Variants in MYCBP2 observed in about 807,000 individuals in gnomAD.
MYCBP2 encodes the protein MYC binding protein 2.
MYCBP2 carries 120 observed loss-of-function variants against 525.3 expected under a neutral mutation model. That is an observed-to-expected ratio of 0.23 (90% CI 0.20 to 0.27). The LOEUF (loss-of-function observed/expected upper bound fraction) is 0.27, where lower values mean the gene tolerates loss of function less well. Among genes scored for constraint, MYCBP2 ranks in the 10% least tolerant of loss-of-function variants. The pLI is 1.00. For missense variants in MYCBP2, 4,149 were observed against 5,657.1 expected, an observed-to-expected ratio of 0.73 and a Z score of 8.55; for synonymous variants, 1,894 against 1,955.8, an observed-to-expected ratio of 0.97 and a Z score of 0.83.
At chr13:77,146,379 A>C (rs2087301513) in intron 47 of MYCBP2, among the ~76,000 whole-genome samples, 162 bp from the exon 48 acceptor site, 1 of 151,898 alleles carries the variant, frequency 6.6e-6, no homozygotes, top group Non-Finnish European at 1.5e-5. Context: ...TTAAAGATAA[A>C]TTCTACAAGG....
In MYCBP2 at chr13:77,064,709, C is replaced by G. The variant is rs745636591; in HGVS notation, c.12578G>C (p.Arg4193Pro). The G allele has an allele frequency of 3.7e-6, 6 of 1,613,576 alleles. No homozygotes were observed. In the Admixed American group the frequency reaches 1.0e-4, roughly 27 times the overall value. Residue 4193 changes from arginine to proline, a missense_variant, in exon 73 of 83, where the codon CGA (arginine) becomes CCA (proline). Arg to Pro is a moderately radical substitution (Grantham distance 103, BLOSUM62 -2). Transcript: ENST00000544440. ...AAGHLSEAWSRVTKNAIAETI... is the reference protein window; with the variant it reads ...AAGHLSEAWSPVTKNAIAETI... ...TTCTGCAATAGCATTTTTTGTCACT[C>G]GGGACCAAGCTTCTGACAGATGACC...
At chr13:77,202,460 G>A (rs2062738202) in intron 26 of MYCBP2, among the ~76,000 whole-genome samples, 1 of 152,136 alleles carries the variant, frequency 6.6e-6, no homozygotes. Context: ...AATTCTACCA[G>A]AGATACAAGG....
At chr13:77,240,693 T>C (rs982267900) in intron 17 of MYCBP2, among the ~76,000 whole-genome samples, 1 of 152,146 alleles carries the variant, frequency 6.6e-6, no homozygotes, top group Non-Finnish European at 1.5e-5. Context: ...AACACAGAAA[T>C]ACGGGAACTC....
intron 19 of MYCBP2, among the ~76,000 whole-genome samples, chr13:77,224,978 T>G (rs556996958): frequency 1.3e-5 from 2 of 152,334 alleles, no homozygotes; most frequent in Non-Finnish European, 2.9e-5. Flanking sequence ...TTAACATTTT[T>G]GTTTTTATAA....
chr13:77,084,258 A>G (rs946904285), intron 62 of MYCBP2, among the ~76,000 whole-genome samples: 7 of 152,208 alleles, frequency 4.6e-5, no homozygotes, highest in African/African-American at 1.7e-4. Context: ...CCATTCTCTA[A>G]GAAGCTGCTA....
chr13:77,173,775 G>A (rs1301731345), intron 37 of MYCBP2, among the ~76,000 whole-genome samples: 1 of 152,106 alleles, frequency 6.6e-6, no homozygotes, highest in Non-Finnish European at 1.5e-5. Context: ...TTTAACCCAA[G>A]GGTTGTTATC....
chr13:77,165,223 C>A (rs766945486), intron 42 of MYCBP2, 50 bp downstream of exon 42: 1 of 1,488,056 alleles, frequency 6.7e-7, no homozygotes, highest in South Asian at 1.2e-5. Flanking sequence ...CTCACTAGCC[C>A]TTAGAAACAC....
At chr13:77,163,684 T>C (rs1329139671) in intron 43 of MYCBP2, among the ~76,000 whole-genome samples, 1 of 152,220 alleles carries the variant, frequency 6.6e-6, no homozygotes, top group Non-Finnish European at 1.5e-5. Flanking sequence ...TCTAAAGAGC[T>C]ACCTATATTC....
chr13:77,107,709 G>C (rs1023924553), intron 55 of MYCBP2, among the ~76,000 whole-genome samples: 1 of 152,086 alleles, frequency 6.6e-6, no homozygotes, highest in African/African-American at 2.4e-5. Context: ...CTGTACTCCA[G>C]TGTGGGCGAC....
At chr13:77,053,327 G>A (rs930467038) in intron 80 of MYCBP2, among the ~76,000 whole-genome samples, 1 of 152,184 alleles carries the variant, frequency 6.6e-6, no homozygotes, top group African/African-American at 2.4e-5. Flanking sequence ...GCCCTGGGCA[G>A]AGATTAAGTG....
At chr13:77,161,876 AG>A (rs767966584) in intron 44 of MYCBP2, 29 bp downstream of exon 44, 1 of 1,566,442 alleles carries the variant, frequency 6.4e-7, no homozygotes, top group East Asian at 2.2e-5. Context: ...TAATGTACAA[AG>A]TTTATCCTTA....
At chr13:77,191,548 T>C (rs2061298980) in intron 28 of MYCBP2, 131 bp downstream of exon 28, 2 of 1,074,700 alleles carry the variant, frequency 1.9e-6, no homozygotes, top group Non-Finnish European at 2.6e-6. Flanking sequence ...ATGAATTTAA[T>C]TTTTAGCAGT....
In MYCBP2 at chr13:77,126,532, G is replaced by C; in HGVS notation, c.7670C>G (p.Thr2557Ser). The C allele has an allele frequency of 6.2e-7, 1 of 1,611,116 alleles. No individual in the cohort carries two copies. The highest frequency in any genetic ancestry group is 8.5e-7 in the Non-Finnish European group (1 of 1,178,724). ...GTCTTTGAAAAAGTCATCAGTATTA[G>C]TTTTAGATTCCTGAAAATTTGAATA... ...SLLVPVDESK[T>S]NTDDFFKDIN... is the part of the protein sequence containing the mutation. Residue 2557 changes from threonine to serine, a missense_variant, in exon 53 of 83, where the codon ACT becomes AGT. By Grantham distance (58) the Thr-to-Ser change is moderately conservative. This residue lies in a region of MYCBP2 where 692 missense variants were observed against 852.7 expected (regional missense o/e 0.81). Coordinates refer to ENST00000544440, the MANE Select transcript of MYCBP2 (RefSeq NM_015057.5).
rs371897268 is a variant in MYCBP2, at chr13:77,272,878, C to T, written c.945+594G>A. Reference sequence around the variant, plus strand: ...AGACAGTCAGGTCTTAAGATCATAACTTCTTTCTCAATTTCCAGAGCCTTC... The same window carrying T: ...AGACAGTCAGGTCTTAAGATCATAATTTCTTTCTCAATTTCCAGAGCCTTC... On this transcript the variant is annotated intron_variant, in intron 5 of 82. Transcript: ENST00000544440. Among the ~76,000 whole-genome samples the T allele has an allele frequency of 3.3e-5, 5 of 152,352 alleles. No homozygotes were observed. The East Asian group carries it at 5.8e-4, about 18-fold the overall frequency.
intron 17 of MYCBP2, among the ~76,000 whole-genome samples, chr13:77,237,406 T>C (rs1386813983): frequency 1.3e-5 from 2 of 152,162 alleles, no homozygotes; most frequent in East Asian, 1.9e-4. Flanking sequence ...ACTATTAACA[T>C]TTACTTTGAG....
chr13:77,246,432 A>G (rs1042182057), intron 15 of MYCBP2, among the ~76,000 whole-genome samples: 1 of 151,920 alleles, frequency 6.6e-6, no homozygotes, highest in Non-Finnish European at 1.5e-5. Flanking sequence ...TTACCCCAAT[A>G]CCAATGTCAG....
intron 41 of MYCBP2, 22 bp from the exon 42 acceptor site, chr13:77,165,413 A>C (rs779751343): frequency 8.6e-5 from 131 of 1,515,816 alleles, no homozygotes; most frequent in Non-Finnish European, 1.1e-4. Flanking sequence ...GCCAGAATTG[A>C]GTTCAAACTC....
intron 2 of MYCBP2, among the ~76,000 whole-genome samples, chr13:77,294,131 C>CACACACAT (rs1555465826): frequency 1.5e-5 from 1 of 65,692 alleles, no homozygotes; most frequent in African/African-American, 5.3e-5. Context: ...TATATATATA[C>CACACACAT]ATATATATAT....
chr13:77,286,285 C>A (rs1281595123), intron 3 of MYCBP2, among the ~76,000 whole-genome samples: 1 of 152,108 alleles, frequency 6.6e-6, no homozygotes, highest in Non-Finnish European at 1.5e-5. Flanking sequence ...TTTAAGGTAT[C>A]AGTTTAGTAA....
Sources: gnomAD v4.1 joint callset for allele counts (sites outside exome capture counted in the v4.1 genomes callset) on GRCh38, gnomAD v4.1.1 for gene constraint, gnomAD v4.1.1 regional missense constraint, MANE v1.5 for transcripts, NCBI Gene and HGNC (gene_info 2026-07-23, HGNC 2026-07-21) for gene names.